The following ACOT1 variants were observed in gnomAD, a reference collection of about 807,000 sequenced individuals.
ACOT1 encodes the protein acyl-coenzyme A thioesterase 1.
ACOT1 carries 8 observed loss-of-function variants against 15.7 expected under a neutral mutation model. The ratio of observed to expected loss-of-function variants is 0.51; its 90% CI spans 0.30 to 0.92. ACOT1 has a LOEUF of 0.92. ACOT1 is among the 40% of genes least tolerant of loss of function. ACOT1 has a pLI of 0.06. For synonymous variants in ACOT1, 67 were observed against 241.2 expected, an observed-to-expected ratio of 0.28 and a Z score of 6.69; for missense variants, 151 against 539.4, an observed-to-expected ratio of 0.28 and a Z score of 7.13.
chr14:73,527,644 G>A, the ACOT1 span, among the ~76,000 whole-genome samples: 1 of 151,904 alleles, frequency 6.6e-6, no homozygotes, highest in South Asian at 2.1e-4. Context: ...TGGTCAAGCA[G>A]AAGAAAGAAT....
chr14:73,521,869 T>C, the ACOT1 span, among the ~76,000 whole-genome samples: 2 of 152,216 alleles, frequency 1.3e-5, no homozygotes, highest in Non-Finnish European at 1.5e-5. Context: ...ACCAGCAGTC[T>C]GATGGCAAAG....
the ACOT1 span, chr14:73,522,837 G>A: frequency 1.2e-6 from 2 of 1,614,104 alleles, no homozygotes; most frequent in Non-Finnish European, 1.7e-6. Context: ...CTGATCTGGG[G>A]AGTATGGATG....
the ACOT1 span, among the ~76,000 whole-genome samples, chr14:73,511,564 TA>T: frequency 0.027 from 3,215 of 119,118 alleles, 47 homozygotes; most frequent in Middle Eastern, 0.06. Flanking sequence ...AATAAATAAA[TA>T]AAATAAAATA....
the ACOT1 span, among the ~76,000 whole-genome samples, chr14:73,516,683 A>G: frequency 2.0e-5 from 3 of 152,158 alleles, no homozygotes; most frequent in African/African-American, 7.2e-5. Context: ...CCTGTTAGGA[A>G]CCGGGCCACC....
At chr14:73,507,266 A>G in the ACOT1 span, among the ~76,000 whole-genome samples, 2 of 152,202 alleles carry the variant, frequency 1.3e-5, no homozygotes, top group Non-Finnish European at 2.9e-5. Flanking sequence ...CTCTTCTTGC[A>G]TATGCAAATA....
chr14:73,495,399 C>T, the ACOT1 span: 2 of 1,606,350 alleles, frequency 1.2e-6, no homozygotes, highest in Non-Finnish European at 1.7e-6. Context: ...TAAATTAGAA[C>T]AAATAATGTT....
chr14:73,491,220 T>C, the ACOT1 span: 1 of 1,594,060 alleles, frequency 6.3e-7, no homozygotes, highest in Non-Finnish European at 8.6e-7. Flanking sequence ...GAATCGAGGG[T>C]GGAGTCGACG....
In ACOT1 at chr14:73,537,824, C is replaced by T. The variant is rs1241472292; in HGVS notation, c.403C>T (p.Arg135Trp). The change falls in exon 1 of 3, where the codon CGG becomes TGG. Residue 135 changes from arginine (R) to tryptophan (W), a missense_variant. Arg to Trp is a moderately radical substitution (Grantham distance 101). Coordinates refer to ENST00000311148, the MANE Select transcript of ACOT1 (RefSeq NM_001037161.2). ...HERYFLPPGV[R>W]REPVRAGRVR... Reference sequence around the variant, plus strand: ...GCGCTACTTCCTCCCGCCCGGGGTGCGGCGCGAGCCGGTGCGCGCGGGCCG... The same window carrying T: ...GCGCTACTTCCTCCCGCCCGGGGTGTGGCGCGAGCCGGTGCGCGCGGGCCG... 1.2e-5 allele frequency: 14 copies of T among 1,204,626 alleles called. 4 individuals carry two copies. The highest frequency in any genetic ancestry group is 1.5e-5 in the Non-Finnish European group (14 of 921,376). 74.6% of individuals were successfully genotyped at this position (1,204,626 alleles called of 1,614,324 possible). A position where few individuals can be genotyped will look rare whatever the true frequency, so the allele number is the denominator to read the frequency against.
chr14:73,521,245 T>G, the ACOT1 span, among the ~76,000 whole-genome samples: 1 of 152,090 alleles, frequency 6.6e-6, no homozygotes, highest in Admixed American at 6.5e-5. Context: ...TCTACAGCTG[T>G]CCTGCCTGGC....
chr14:73,525,924 G>A, the ACOT1 span, among the ~76,000 whole-genome samples: 12 of 149,842 alleles, frequency 8.0e-5, no homozygotes, highest in South Asian at 2.6e-3. Flanking sequence ...CTGCGCTCCA[G>A]CCTGGGTGAC....
upstream of ACOT1, among the ~76,000 whole-genome samples, chr14:73,532,603 C>G (rs1383564706): frequency 1.7e-5 from 2 of 115,354 alleles, 1 homozygote; most frequent in African/African-American, 5.7e-5. Context: ...TGGGCTCAAG[C>G]TGCACTCAGA....
chr14:73,518,274 T>G, the ACOT1 span, among the ~76,000 whole-genome samples: 1 of 151,008 alleles, frequency 6.6e-6, no homozygotes, highest in Non-Finnish European at 1.5e-5. Flanking sequence ...TGTGGAGGCA[T>G]GCACCTGTGA....
the ACOT1 span, among the ~76,000 whole-genome samples, chr14:73,515,636 C>T: frequency 7.4e-6 from 1 of 134,938 alleles, no homozygotes; most frequent in African/African-American, 2.8e-5. Context: ...GCTGAGATCG[C>T]GCTCCAACCT....
chr14:73,508,733 G>A, the ACOT1 span, among the ~76,000 whole-genome samples: 1 of 119,334 alleles, frequency 8.4e-6, no homozygotes. Context: ...CCTGGGCAAC[G>A]AGAGTGAAAC....
chr14:73,502,755 G>T, the ACOT1 span: 3 of 690,300 alleles, frequency 4.3e-6, no homozygotes, highest in East Asian at 7.5e-5. Flanking sequence ...TACTGTGTTA[G>T]CCAGGATGGT....
At chr14:73,510,984 T>C in the ACOT1 span, among the ~76,000 whole-genome samples, 1 of 152,218 alleles carries the variant, frequency 6.6e-6, no homozygotes, top group Non-Finnish European at 1.5e-5. Context: ...TCAGTCCCAA[T>C]GTAATTTATC....
the ACOT1 span, among the ~76,000 whole-genome samples, chr14:73,531,611 A>C: frequency 9.2e-6 from 1 of 108,128 alleles, no homozygotes; most frequent in South Asian, 3.1e-4. Flanking sequence ...GTTTCACCAT[A>C]TTGGCCAGGC....
At chr14:73,503,520 C>T in the ACOT1 span, among the ~76,000 whole-genome samples, 4 of 152,176 alleles carry the variant, frequency 2.6e-5, no homozygotes, top group Non-Finnish European at 4.4e-5. Context: ...AATGTGCCCA[C>T]GCTGTTCTTC....
chr14:73,502,547 C>G, the ACOT1 span, among the ~76,000 whole-genome samples: 18 of 151,832 alleles, frequency 1.2e-4, no homozygotes, highest in Admixed American at 1.3e-4. Flanking sequence ...TCCCAGGCCT[C>G]CTAAGCACTT....
Sources: allele counts gnomAD v4.1 joint callset (sites outside exome capture counted in the v4.1 genomes callset), GRCh38; gene constraint gnomAD v4.1.1; transcripts MANE v1.5; gene names NCBI Gene and HGNC (gene_info 2026-07-23, HGNC 2026-07-21).